ARFGEF1: variants seen among roughly 807,000 people sequenced by gnomAD.
ARFGEF1 encodes ARF guanine nucleotide exchange factor 1.
A neutral mutation model predicts 231.0 loss-of-function variants in ARFGEF1; 42 were observed. The observed-to-expected ratio is 0.18, with a 90% CI of 0.14 to 0.24. The LOEUF (loss-of-function observed/expected upper bound fraction) is 0.24. Ranked by LOEUF, ARFGEF1 falls within the 10% of genes least tolerant of loss-of-function variation. The pLI, the probability that ARFGEF1 is intolerant of heterozygous loss-of-function variation, is 1.00. For synonymous variants in ARFGEF1, 710 were observed against 732.3 expected (o/e 0.97, Z 0.49); for missense variants, 1,345 against 2,192.0 (o/e 0.61, Z 7.72).
At chr8:67,232,371 A>T (rs538989642) in intron 23 of ARFGEF1, among the ~76,000 whole-genome samples, 4 of 152,010 alleles carry the variant, frequency 2.6e-5, no homozygotes, top group Non-Finnish European at 5.9e-5. Flanking sequence ...TCTTTTAGAA[A>T]ACAAACTAAA....
At chr8:67,203,913 C>A (rs1049300774) in intron 35 of ARFGEF1, among the ~76,000 whole-genome samples, 2 of 152,194 alleles carry the variant, frequency 1.3e-5, no homozygotes, top group Admixed American at 1.3e-4. Context: ...ACTGTCTGGG[C>A]TTCTACCCCA....
At chr8:67,206,413 A>T (rs1469175072) in intron 34 of ARFGEF1, among the ~76,000 whole-genome samples, 1 of 148,414 alleles carries the variant, frequency 6.7e-6, no homozygotes, top group African/African-American at 2.5e-5. Flanking sequence ...TTATCTTTAA[A>T]AAAAAAAAAA....
intron 19 of ARFGEF1, 147 bp from the exon 20 acceptor site, chr8:67,240,437 CTATA>C (rs1170377081): frequency 4.3e-6 from 3 of 694,960 alleles, no homozygotes; most frequent in Admixed American, 7.1e-5. Flanking sequence ...AGGGGGAAAA[CTATA>C]TAATGCTGCC....
Position 67,266,146 on chromosome 8 carries a change from T to G in ARFGEF1, c.1983A>C (p.Arg661Ser), listed in dbSNP as rs368332929. 73 of 1,613,758 alleles carry G rather than the reference T, an allele frequency of 4.5e-5. No individual in the cohort carries two copies. Among genetic ancestry groups the G allele is most frequent in the South Asian group, 1.1e-5 (1 of 91,062 alleles). Residue 661 changes from arginine (R) to serine (S), a missense_variant, in exon 14 of 39, where the codon AGA (arginine) becomes AGC (serine). By Grantham distance (110) the Arg-to-Ser change is moderately radical. Transcript: ENST00000262215. ...SEIKHPETIN[R>S]YGSLNSLEST... ...ACTCCAGGGAATTTAAACTTCCGTA[T>G]CTGTTTATTGTCTCAGGGTGTTTGA...
chr8:67,313,834 C>T (rs192828832), intron 1 of ARFGEF1, among the ~76,000 whole-genome samples: 12 of 152,288 alleles, frequency 7.9e-5, no homozygotes, highest in Admixed American at 2.0e-4. Context: ...CAAGATTATA[C>T]ACCTCACCCT....
intron 1 of ARFGEF1, among the ~76,000 whole-genome samples, chr8:67,322,180 T>C (rs1807627725): frequency 6.6e-6 from 1 of 152,226 alleles, no homozygotes; most frequent in African/African-American, 2.4e-5. Flanking sequence ...CCCCTTTCAG[T>C]GGTTTTCCAA....
Position 67,343,153 on chromosome 8 carries a change from T to A in ARFGEF1, c.124+11A>T. 2.9e-6 allele frequency: 3 copies of A among 1,036,594 alleles called. No homozygotes were observed. Among genetic ancestry groups the A allele is most frequent in the Non-Finnish European group, 3.6e-6 (3 of 836,118 alleles). 64.2% of individuals were successfully genotyped at this position (1,036,594 alleles called of 1,614,324 possible). On this transcript the variant is annotated intron_variant, in intron 1 of 38. Coordinates refer to ENST00000262215, the MANE Select transcript of ARFGEF1 (RefSeq NM_006421.5). ...CAAGCACCCCATCCCCCGGGCCTCC[T>A]CCCCGCTCACCTAACGCCACCTCGC...
chr8:67,329,210 TAAAAACAAAACA>T (rs1160774536), intron 1 of ARFGEF1, among the ~76,000 whole-genome samples: 7 of 145,248 alleles, frequency 4.8e-5, no homozygotes, highest in South Asian at 4.4e-4. Context: ...TGGGCATCTT[TAAAAACAAAACA>T]AAAAACAAAA....
chr8:67,287,353 T>A (rs1184355298), intron 7 of ARFGEF1, among the ~76,000 whole-genome samples: 1 of 152,190 alleles, frequency 6.6e-6, no homozygotes, highest in African/African-American at 2.4e-5. Context: ...ATTAAGAGAA[T>A]CTGTATGACT....
chr8:67,185,748 A>G (rs1834393346), intron 5 of ARFGEF1, among the ~76,000 whole-genome samples: 1 of 152,146 alleles, frequency 6.6e-6, no homozygotes, highest in Admixed American at 6.5e-5. Flanking sequence ...GAAGATGATG[A>G]TGATGAGTTT....
In ARFGEF1 at chr8:67,175,509, A is replaced by G. The variant is rs548949213; in HGVS notation, c.*46T>C. ...TCCGTAGGCTTTCTGCATCTCTTCT[A>G]TTGATTTCATTCCCAGGCATCCTCC... On this transcript the variant is annotated 3_prime_UTR_variant, in exon 6 of 6. Coordinates refer to the ARFGEF1 transcript ENST00000518789. 2.3e-4 allele frequency: 354 copies of G among 1,547,232 alleles called. 1 individual carries two copies. The highest frequency in any genetic ancestry group is 1.2e-4 in the Non-Finnish European group (140 of 1,124,394).
chr8:67,226,969 A>G (rs554524826), intron 27 of ARFGEF1, among the ~76,000 whole-genome samples, 168 bp downstream of exon 27: 24 of 152,142 alleles, frequency 1.6e-4, no homozygotes, highest in African/African-American at 5.3e-4. Flanking sequence ...TACTCAATAA[A>G]TGTTAACTAT....
chr8:67,201,788 T>A (rs1563832679), intron 36 of ARFGEF1, 183 bp from the exon 37 acceptor site: 4 of 734,442 alleles, frequency 5.4e-6, no homozygotes, highest in Non-Finnish European at 6.4e-6. Flanking sequence ...CTATTCAAGC[T>A]GGGGATATGA....
rs527398445 is a variant in ARFGEF1 at position 67,243,412 on chromosome 8, G to GA, written c.2851-3123_2851-3122insT. On this transcript the variant is annotated intron_variant, in intron 19 of 38. Coordinates refer to ENST00000262215, the MANE Select transcript of ARFGEF1 (RefSeq NM_006421.5). The stretch of plus-strand genomic sequence containing the variant: ...ACAACACAGCAGCAGGCAAGAGAGA[G>GA]CTTGTGTGGGGGAACTCCCCTTTAT... 2.6e-3 allele frequency among the ~76,000 whole-genome samples: 396 copies of GA among 152,306 alleles called. 2 individuals are homozygous for GA. Among genetic ancestry groups the GA allele is most frequent in the African/African-American group, 8.2e-3 (341 of 41,560 alleles).
At chr8:67,308,627 T>C (rs923182049) in intron 1 of ARFGEF1, among the ~76,000 whole-genome samples, 3 of 152,190 alleles carry the variant, frequency 2.0e-5, no homozygotes, top group African/African-American at 7.2e-5. Context: ...CCATTTGCCA[T>C]TCTTACTCAT....
At chr8:67,245,410 A>C (rs992965673) in intron 19 of ARFGEF1, among the ~76,000 whole-genome samples, 5 of 150,620 alleles carry the variant, frequency 3.3e-5, no homozygotes, top group Non-Finnish European at 7.4e-5. Context: ...AGACACAGGC[A>C]GTACAATAAG....
intron 20 of ARFGEF1, among the ~76,000 whole-genome samples, chr8:67,239,827 T>C (rs551449028): frequency 2.0e-5 from 3 of 152,344 alleles, no homozygotes; most frequent in Non-Finnish European, 2.9e-5. Context: ...CAACCTTGTA[T>C]ATAAACTATG....
At chr8:67,254,477 C>A (rs943180218) in intron 17 of ARFGEF1, among the ~76,000 whole-genome samples, 2 of 152,042 alleles carry the variant, frequency 1.3e-5, no homozygotes, top group East Asian at 1.9e-4. Context: ...AGATATAATT[C>A]CTGTAAATTT....
intron 19 of ARFGEF1, among the ~76,000 whole-genome samples, chr8:67,243,746 C>A (rs1391370778): frequency 6.6e-6 from 1 of 152,104 alleles, no homozygotes; most frequent in Admixed American, 6.6e-5. Flanking sequence ...CAGGAAAACA[C>A]GACCTCACCA....
Sources: gnomAD v4.1 joint callset for allele counts (sites outside exome capture counted in the v4.1 genomes callset) on GRCh38, gnomAD v4.1.1 for gene constraint, MANE v1.5 for transcripts, NCBI Gene and HGNC (gene_info 2026-07-23, HGNC 2026-07-21) for gene names.